Variants in ZBBX observed in about 807,000 individuals in gnomAD.
The protein encoded by ZBBX is zinc finger B-box domain-containing protein 1.
Under a neutral mutation model 108.5 loss-of-function variants are expected in ZBBX, and 101 were observed. The observed-to-expected ratio is 0.93, with a 90% CI of 0.79 to 1.10. The LOEUF (loss-of-function observed/expected upper bound fraction) is 1.10, where lower values mean the gene tolerates loss of function less well. Among genes scored for constraint, ZBBX ranks in the 50% least tolerant of loss-of-function variants. The pLI is 0.00. For synonymous variants in ZBBX, 356 were observed against 323.4 expected (o/e 1.10, Z -1.08); for missense variants, 1,009 against 941.4 (o/e 1.07, Z -0.94).
At chr3:167,291,149 G>GAC (rs1730621766) in intron 18 of ZBBX, among the ~76,000 whole-genome samples, 3 of 152,046 alleles carry the variant, frequency 2.0e-5, no homozygotes, top group African/African-American at 7.2e-5. Context: ...TATTATCCAA[G>GAC]AGAACTTCCC....
intron 20 of ZBBX, among the ~76,000 whole-genome samples, chr3:167,264,390 T>C (rs76266586): frequency 0.05 from 7,647 of 152,212 alleles, 522 homozygotes; most frequent in African/African-American, 0.15. Context: ...TTCAATTTGA[T>C]GTTCCCATGA....
At chr3:167,266,629 C>T (rs1172843359) in intron 20 of ZBBX, among the ~76,000 whole-genome samples, 1 of 152,150 alleles carries the variant, frequency 6.6e-6, no homozygotes, top group Non-Finnish European at 1.5e-5. Context: ...GGGGGAAGAA[C>T]ACAGAAATAG....
At chr3:167,404,809 C>A (rs1370697535) in intron 1 of ZBBX, among the ~76,000 whole-genome samples, 1 of 151,864 alleles carries the variant, frequency 6.6e-6, no homozygotes, top group Non-Finnish European at 1.5e-5. Context: ...GTGGCATTGT[C>A]AAAAAGATAT....
intron 20 of ZBBX, among the ~76,000 whole-genome samples, chr3:167,242,983 A>G (rs1720938037): frequency 6.6e-6 from 1 of 152,122 alleles, no homozygotes. Context: ...AACCTGTTGG[A>G]CATTTTGTTA....
chr3:167,270,541 TA>T (rs1176814869), intron 20 of ZBBX, among the ~76,000 whole-genome samples: 2 of 152,184 alleles, frequency 1.3e-5, no homozygotes, highest in African/African-American at 4.8e-5. Context: ...GGAGTGGCTA[TA>T]GGAGTGCTTA....
At chr3:167,219,213 A>G in the ZBBX span, among the ~76,000 whole-genome samples, 1 of 152,058 alleles carries the variant, frequency 6.6e-6, no homozygotes, top group Non-Finnish European at 1.5e-5. Context: ...TTTCAGCATT[A>G]CACAGATAAT....
At chr3:167,275,005 G>A (rs900358948) in intron 20 of ZBBX, among the ~76,000 whole-genome samples, 6 of 152,048 alleles carry the variant, frequency 3.9e-5, no homozygotes, top group Non-Finnish European at 5.9e-5. Context: ...TTGCGGCATC[G>A]GAAATTCATT....
chr3:167,244,872 A>G (rs1344118930), intron 20 of ZBBX, among the ~76,000 whole-genome samples: 2 of 152,236 alleles, frequency 1.3e-5, no homozygotes, highest in Admixed American at 6.5e-5. Context: ...CAATTAGACT[A>G]AGGAGAAAAA....
rs752560045 is a variant in ZBBX, at chr3:167,359,851, T to C, written c.432+19A>G. ...ACCTACTATACAGTATATGTATATATACTATATAACGTACATACCAGTAGA... is the reference window on the plus strand; with the variant it reads ...ACCTACTATACAGTATATGTATATACACTATATAACGTACATACCAGTAGA... On this transcript the variant is annotated intron_variant, in intron 8 of 21. Coordinates refer to ENST00000675490, the MANE Select transcript of ZBBX (RefSeq NM_001199201.2). The C allele has an allele frequency of 1.6e-6, 2 of 1,244,060 alleles. No homozygotes were observed. The highest frequency in any genetic ancestry group is 2.2e-6 in the Non-Finnish European group (2 of 889,870). The allele number at this position is 1,244,060 out of a possible 1,614,324, so 77.1% of individuals were successfully genotyped here.
intron 9 of ZBBX, among the ~76,000 whole-genome samples, chr3:167,346,837 C>T (rs1173389884): frequency 6.6e-6 from 1 of 151,324 alleles, no homozygotes; most frequent in African/African-American, 2.4e-5. Context: ...AACAATAAGA[C>T]AAAAAAGCAT....
rs550469843 is a variant in ZBBX, at chr3:167,368,649, G to A, written c.69-75C>T. The A allele has an allele frequency of 7.5e-5, 101 of 1,345,848 alleles. No individual in the cohort carries two copies. The African/African-American group carries it at 1.5e-3, about 20-fold the overall frequency. The allele number at this position is 1,345,848 out of a possible 1,614,324, so 83.4% of individuals were successfully genotyped here. ...AAATAATTTTATATAATCTTTTCCT[G>A]TTAAATTAGAATCATGAATAATAAA... On this transcript the variant is annotated intron_variant, in intron 4 of 21. Coordinates refer to ENST00000675490, the MANE Select transcript of ZBBX (RefSeq NM_001199201.2).
In ZBBX at chr3:167,365,888, TAAC is replaced by T. The variant is rs771478444; in HGVS notation, c.268_270del (p.Val90del). 7.5e-6 allele frequency: 12 copies of T among 1,603,582 alleles called. No homozygotes were observed. Among genetic ancestry groups the T allele is most frequent in the Admixed American group, 5.1e-5 (3 of 59,266 alleles). ...AGAATCAAATAGTATCTTCTTACCTTAACAACATTTCCTTTATTTTGTGACATC... is the reference window on the plus strand; with the variant it reads ...AGAATCAAATAGTATCTTCTTACCTTAACATTTCCTTTATTTTGTGACATC... On this transcript the variant is annotated inframe_deletion, in exon 6 of 22. Coordinates refer to ENST00000675490, the MANE Select transcript of ZBBX (RefSeq NM_001199201.2).
chr3:167,229,488 A>G, the ZBBX span, among the ~76,000 whole-genome samples: 1 of 151,796 alleles, frequency 6.6e-6, no homozygotes, highest in Non-Finnish European at 1.5e-5. Flanking sequence ...GAATTGTCGA[A>G]AATGTTTATT....
chr3:167,370,238 T>C (rs1244592792), intron 4 of ZBBX, among the ~76,000 whole-genome samples: 1 of 151,952 alleles, frequency 6.6e-6, no homozygotes, highest in African/African-American at 2.4e-5. Flanking sequence ...GAGAGAAAAA[T>C]GGAGCTTTTG....
At chr3:167,356,811 A>T (rs1560176028) in intron 8 of ZBBX, among the ~76,000 whole-genome samples, 2 of 152,138 alleles carry the variant, frequency 1.3e-5, no homozygotes, top group African/African-American at 4.8e-5. Flanking sequence ...ACATATAATC[A>T]ATGATGATCA....
intron 4 of ZBBX, among the ~76,000 whole-genome samples, chr3:167,371,463 C>A (rs115900107): frequency 0.016 from 2,405 of 152,300 alleles, 61 homozygotes; most frequent in African/African-American, 0.055. Flanking sequence ...CTTTACACAT[C>A]ACACCATGCT....
At chr3:167,381,387 A>C (rs1018311501), upstream of ZBBX, 11 of 152,184 alleles carry the variant, frequency 7.2e-5, no homozygotes, top group Non-Finnish European at 1.3e-4. Flanking sequence ...ATAACAGTAC[A>C]GTTAGTCCAT....
intron 20 of ZBBX, among the ~76,000 whole-genome samples, chr3:167,279,188 C>T (rs542625688): frequency 3.3e-5 from 5 of 152,250 alleles, no homozygotes; most frequent in Non-Finnish European, 7.3e-5. Context: ...TGAAAACTGG[C>T]ACAAGACAGG....
At chr3:167,278,985 A>G (rs1352777676) in intron 20 of ZBBX, among the ~76,000 whole-genome samples, 5 of 152,190 alleles carry the variant, frequency 3.3e-5, no homozygotes, top group African/African-American at 9.7e-5. Context: ...TATAAACAGA[A>G]CCAAAGACAA....
Sources: gnomAD v4.1 joint callset for allele counts (sites outside exome capture counted in the v4.1 genomes callset) on GRCh38, gnomAD v4.1.1 for gene constraint, MANE v1.5 for transcripts, NCBI Gene and HGNC (gene_info 2026-07-23, HGNC 2026-07-21) for gene names.